TRIP12: variants seen among roughly 807,000 people sequenced by gnomAD.
TRIP12 encodes the protein E3 ubiquitin-protein ligase TRIP12.
In TRIP12, 25 loss-of-function variants were observed where a neutral mutation model predicts 244.2. The ratio of observed to expected loss-of-function variants is 0.10; its 90% CI spans 0.07 to 0.14. The LOEUF is 0.14. Ranked by LOEUF, TRIP12 falls within the 10% of genes least tolerant of loss-of-function variation. The pLI is 1.00. For synonymous variants in TRIP12, 905 were observed against 873.1 expected, an observed-to-expected ratio of 1.04 and a Z score of -0.64; for missense variants, 1,677 against 2,486.4, an observed-to-expected ratio of 0.67 and a Z score of 6.92.
intron 18 of TRIP12, among the ~76,000 whole-genome samples, chr2:229,804,967 A>G (rs2045472006): frequency 6.6e-6 from 1 of 152,102 alleles, no homozygotes; most frequent in South Asian, 2.1e-4. Flanking sequence ...GTGTGGTGGC[A>G]GGATCTCAGC....
chr2:229,818,529 AATT>A lies in TRIP12; in HGVS notation c.1451-20_1451-18del, dbSNP rs769021734. 7 of 1,607,576 alleles carry A rather than the reference AATT, an allele frequency of 4.4e-6. No individual in the cohort carries two copies. Among genetic ancestry groups the A allele is most frequent in the Admixed American group, 1.7e-5 (1 of 59,048 alleles). ...CCTTAGAACCTTTAGAGAAAAAAAT[AATT>A]ATTATCTTTAAACATTTAAGAAAAT... is the stretch of plus-strand genomic sequence containing the variant. On this transcript the variant is annotated intron_variant, in intron 8 of 41. Transcript: ENST00000675903.
At chr2:229,868,589 A>G (rs1435870389) in intron 2 of TRIP12, among the ~76,000 whole-genome samples, 2 of 152,180 alleles carry the variant, frequency 1.3e-5, no homozygotes, top group East Asian at 1.9e-4. Context: ...ATGTCTCCCC[A>G]TAACATTCTC....
chr2:229,902,204 T>C (rs959596717), intron 1 of TRIP12, among the ~76,000 whole-genome samples: 12 of 151,918 alleles, frequency 7.9e-5, no homozygotes, highest in African/African-American at 2.9e-4. Flanking sequence ...GCCAACATAG[T>C]GAAACCCCGC....
At position 229,851,407 on chromosome 2, in the gene TRIP12, A is replaced by C. The variant is rs185684656; in HGVS notation, c.1027+7365T>G. The stretch of plus-strand genomic sequence containing the variant: ...TCTGGTGGGGACATGGAGAACCTTT[A>C]GTGTCTAGCTCAGGGATTGTAAATG... On this transcript the variant is annotated intron_variant, in intron 4 of 41. Transcript: ENST00000675903. Among the ~76,000 whole-genome samples, 5 of 152,020 alleles carry C rather than the reference A, an allele frequency of 3.3e-5. No individual in the cohort carries two copies. The East Asian group carries it at 9.7e-4, about 29-fold the overall frequency.
At chr2:229,818,333 G>A (rs746899205) in intron 9 of TRIP12, 31 bp downstream of exon 9, 63 of 1,609,226 alleles carry the variant, frequency 3.9e-5, no homozygotes, top group Non-Finnish European at 5.2e-5. Context: ...GGACAAATGA[G>A]GTAAAAACGA....
chr2:229,892,753 C>G (rs542221767), intron 1 of TRIP12, among the ~76,000 whole-genome samples: 1 of 151,958 alleles, frequency 6.6e-6, no homozygotes, highest in African/African-American at 2.4e-5. Flanking sequence ...CTAGTCCCAG[C>G]GACTTTCGGG....
intron 1 of TRIP12, among the ~76,000 whole-genome samples, chr2:229,880,981 T>A (rs1188003130): frequency 6.6e-6 from 1 of 152,176 alleles, no homozygotes; most frequent in East Asian, 1.9e-4. Context: ...AAAACTATAG[T>A]ATCTTACTGA....
intron 8 of TRIP12, among the ~76,000 whole-genome samples, chr2:229,824,931 A>C (rs1243928403): frequency 1.3e-5 from 2 of 152,240 alleles, no homozygotes; most frequent in East Asian, 3.8e-4. Flanking sequence ...ATAATTATAA[A>C]AGCAAAACAT....
At chr2:229,789,063 A>ACG in intron 31 of TRIP12, 123 bp from the exon 32 acceptor site, 2 of 849,302 alleles carry the variant, frequency 2.4e-6, no homozygotes, top group Non-Finnish European at 3.6e-6. Context: ...GGTTTCCAAC[A>ACG]TACAACACAC....
intron 8 of TRIP12, among the ~76,000 whole-genome samples, chr2:229,820,500 A>T (rs1327357505): frequency 6.6e-6 from 1 of 152,186 alleles, no homozygotes; most frequent in African/African-American, 2.4e-5. Context: ...GGTACCACAA[A>T]GCACTTTTGT....
intron 34 of TRIP12, among the ~76,000 whole-genome samples, chr2:229,784,372 A>AAT (rs149072989): frequency 7.8e-4 from 116 of 149,348 alleles, no homozygotes; most frequent in East Asian, 6.2e-3. Flanking sequence ...AACTGTAATT[A>AAT]ATATATATAT....
intron 1 of TRIP12, among the ~76,000 whole-genome samples, chr2:229,921,108 A>T (rs1189720223): frequency 6.6e-6 from 1 of 151,706 alleles, no homozygotes; most frequent in African/African-American, 2.4e-5. Context: ...CTCTCAGTCA[A>T]GTTTCTCGGC....
chr2:229,827,275 G>A lies in TRIP12; in HGVS notation c.1450+1918C>T, dbSNP rs543376724. ...AGCCTGGGAGACAGAGCAAAACTCC[G>A]TCTCAAAAAAAAAAAAGAAAAAGAA... On this transcript the variant is annotated intron_variant, in intron 8 of 41. Transcript: ENST00000675903. Among the ~76,000 whole-genome samples, 17 of 147,418 alleles carry A rather than the reference G, an allele frequency of 1.2e-4. 1 individual carries two copies. In the South Asian group the frequency reaches 2.0e-3, roughly 17 times the overall value.
At chr2:229,789,892 G>A in intron 30 of TRIP12, 130 bp from the exon 31 acceptor site, 4 of 948,150 alleles carry the variant, frequency 4.2e-6, no homozygotes, top group Non-Finnish European at 6.1e-6. Flanking sequence ...TTATTAGTAG[G>A]GTATTGATAA....
Position 229,797,723 on chromosome 2 carries a change from T to G in TRIP12, c.3591A>C (p.Arg1197Ser), listed in dbSNP as rs752084727. 3 of 1,613,562 alleles carry G rather than the reference T, an allele frequency of 1.9e-6. No homozygotes were observed. Among genetic ancestry groups the G allele is most frequent in the Non-Finnish European group, 1.7e-6 (2 of 1,179,708 alleles). ...GSNPALNVLQ[R>S]LCAATEQLNL... ...TGAGTTGTTCGGTTGCAGCACAAAGTCTCTGAAGGACATTCAATGCAGGGT... is the reference window on the plus strand; with the variant it reads ...TGAGTTGTTCGGTTGCAGCACAAAGGCTCTGAAGGACATTCAATGCAGGGT... Residue 1197 changes from arginine (R) to serine (S), a missense_variant, in exon 24 of 42, where the codon AGA becomes AGC. Physicochemically the swap from Arg to Ser is moderately radical, Grantham distance 110. Coordinates refer to ENST00000675903, the MANE Select transcript of TRIP12 (RefSeq NM_001348323.3).
At chr2:229,914,370 G>A (rs193130689) in intron 1 of TRIP12, among the ~76,000 whole-genome samples, 12 of 152,254 alleles carry the variant, frequency 7.9e-5, no homozygotes, top group East Asian at 5.8e-4. Flanking sequence ...ACAGAATTAC[G>A]AAACACTGGG....
chr2:229,899,801 G>T (rs2070092030), intron 1 of TRIP12, among the ~76,000 whole-genome samples: 1 of 152,296 alleles, frequency 6.6e-6, no homozygotes, highest in East Asian at 1.9e-4. Flanking sequence ...ACTTCAGAAA[G>T]GTCTAGGGGC....
In TRIP12 at chr2:229,813,910, G is replaced by A; in HGVS notation, c.1946C>T (p.Ala649Val). 1.3e-6 allele frequency: 2 copies of A among 1,587,120 alleles called. No homozygotes were observed. Among genetic ancestry groups the A allele is most frequent in the Non-Finnish European group, 1.7e-6 (2 of 1,160,352 alleles). ...TTGGGTTAGCAATGGGAGTGAATCT[G>A]CCACAAAATGAAATTCATCTGGCGT... Reference protein sequence around the residue: ...SITPDEFHFVADSLPLLTQRL... With the variant: ...SITPDEFHFVVDSLPLLTQRL... Residue 649 changes from alanine to valine, a missense_variant, in exon 13 of 42, where the codon GCA becomes GTA. Physicochemically the swap from Ala to Val is moderately conservative, Grantham distance 64 (BLOSUM62 0). Around this residue, in one of 11 missense-constraint regions of TRIP12, gnomAD observed 572 missense variants for 867.8 expected, o/e 0.66. Transcript: ENST00000675903.
At chr2:229,920,808 A>T (rs1454069899) in intron 1 of TRIP12, among the ~76,000 whole-genome samples, 1 of 152,162 alleles carries the variant, frequency 6.6e-6, no homozygotes, top group African/African-American at 2.4e-5. Flanking sequence ...GACGCCGAGG[A>T]AGACAGGATT....
Sources: allele counts gnomAD v4.1 joint callset (sites outside exome capture counted in the v4.1 genomes callset), GRCh38; gene constraint gnomAD v4.1.1; regional missense constraint gnomAD v4.1.1; transcripts MANE v1.5; gene names NCBI Gene and HGNC (gene_info 2026-07-23, HGNC 2026-07-21).